The following GAB2 variants were observed in gnomAD, a reference collection of about 807,000 sequenced individuals.
The protein encoded by GAB2 is GRB2 associated binding protein 2, also known as GRB2-associated-binding protein 2.
In GAB2, 26 loss-of-function variants were observed where a neutral mutation model predicts 65.5. That is an observed-to-expected ratio of 0.40 (90% CI 0.29 to 0.55). The LOEUF (loss-of-function observed/expected upper bound fraction) is 0.55, where lower values mean the gene tolerates loss of function less well. Ranked by LOEUF, GAB2 falls within the 20% of genes least tolerant of loss-of-function variation. The probability of loss-of-function intolerance (pLI) is 0.53; values close to 1 mark genes in which losing one functional copy is unlikely to be tolerated. For synonymous variants in GAB2, 321 were observed against 329.6 expected (o/e 0.97, Z 0.28); for missense variants, 884 against 875.8 (o/e 1.01, Z -0.12).
chr11:78,340,077 T>C (rs1856067812), intron 1 of GAB2, among the ~76,000 whole-genome samples: 1 of 152,240 alleles, frequency 6.6e-6, no homozygotes, highest in Admixed American at 6.5e-5. Flanking sequence ...GCAGTTGTGT[T>C]GACCATCTTT....
intron 1 of GAB2, among the ~76,000 whole-genome samples, chr11:78,308,793 AG>A (rs1183857080): frequency 6.6e-6 from 1 of 152,200 alleles, no homozygotes; most frequent in Non-Finnish European, 1.5e-5. Flanking sequence ...GACTGGAAAG[AG>A]ACATTCAGGG....
chr11:78,234,332 C>G (rs536074350), intron 3 of GAB2, among the ~76,000 whole-genome samples: 1 of 152,216 alleles, frequency 6.6e-6, no homozygotes, highest in African/African-American at 2.4e-5. Flanking sequence ...ATCTGCCCTT[C>G]TTAGTCTTCC....
intron 3 of GAB2, among the ~76,000 whole-genome samples, chr11:78,242,955 G>A (rs2512520): frequency 0.16 from 23,711 of 151,976 alleles, 2,384 homozygotes; most frequent in East Asian, 0.4. Flanking sequence ...TTGAGATCAG[G>A]AGTTCGAGAC....
chr11:78,350,113 C>T (rs553976279), intron 1 of GAB2, among the ~76,000 whole-genome samples: 4 of 152,204 alleles, frequency 2.6e-5, no homozygotes, highest in African/African-American at 9.6e-5. Flanking sequence ...ATGGGTCATG[C>T]TGAAAGTTTA....
chr11:78,387,090 G>A (rs1856777849), intron 1 of GAB2, among the ~76,000 whole-genome samples: 1 of 152,190 alleles, frequency 6.6e-6, no homozygotes, highest in South Asian at 2.1e-4. Flanking sequence ...CACCCAGGCT[G>A]GAGTACAGTG....
At chr11:78,344,357 AT>A (rs1439626551) in intron 1 of GAB2, among the ~76,000 whole-genome samples, 2 of 152,228 alleles carry the variant, frequency 1.3e-5, no homozygotes, top group Non-Finnish European at 2.9e-5. Context: ...CAGGAAAAAA[AT>A]CTCCAATTAA....
chr11:78,373,970 A>C (rs922604926), intron 1 of GAB2, among the ~76,000 whole-genome samples: 4 of 152,248 alleles, frequency 2.6e-5, no homozygotes, highest in Non-Finnish European at 4.4e-5. Flanking sequence ...AGTTCTGCTA[A>C]GTGAAGATGG....
chr11:78,346,986 T>G (rs943151613), intron 1 of GAB2, among the ~76,000 whole-genome samples: 8 of 151,848 alleles, frequency 5.3e-5, no homozygotes, highest in Non-Finnish European at 8.8e-5. Context: ...GAAAGCAGAC[T>G]GACTCACTAT....
chr11:78,297,521 A>G (rs1866867336), intron 1 of GAB2, among the ~76,000 whole-genome samples: 1 of 152,078 alleles, frequency 6.6e-6, no homozygotes, highest in Non-Finnish European at 1.5e-5. Context: ...AGTCCATCAT[A>G]TGGGAACTAC....
chr11:78,336,030 C>T (rs570640981), intron 1 of GAB2, among the ~76,000 whole-genome samples: 3 of 151,550 alleles, frequency 2.0e-5, no homozygotes, highest in East Asian at 1.9e-4. Context: ...AATTATTTTC[C>T]AGGTCGGGCA....
intron 2 of GAB2, among the ~76,000 whole-genome samples, chr11:78,279,458 G>T (rs888222220): frequency 3.9e-5 from 6 of 152,006 alleles, no homozygotes; most frequent in African/African-American, 1.4e-4. Context: ...TTTAAAGAAT[G>T]AGACATAATT....
chr11:78,361,728 A>G (rs1035625050), intron 1 of GAB2, among the ~76,000 whole-genome samples: 2 of 152,206 alleles, frequency 1.3e-5, no homozygotes, highest in Admixed American at 6.5e-5. Flanking sequence ...TTTGGTAATC[A>G]TCTTGGCAAG....
intron 2 of GAB2, among the ~76,000 whole-genome samples, chr11:78,274,546 A>G (rs1820053124): frequency 6.6e-6 from 1 of 152,214 alleles, no homozygotes; most frequent in Admixed American, 6.5e-5. Flanking sequence ...AACAGAAAGT[A>G]TTTTATCCCT....
At chr11:78,227,112 AG>A in intron 3 of GAB2, 61 bp from the exon 4 acceptor site, 4 of 1,118,178 alleles carry the variant, frequency 3.6e-6, no homozygotes, top group Non-Finnish European at 5.3e-6. Flanking sequence ...TGTGACCTTG[AG>A]GCAAAGCACT....
chr11:78,307,260 A>G (rs1855382646), intron 1 of GAB2, among the ~76,000 whole-genome samples: 1 of 152,174 alleles, frequency 6.6e-6, no homozygotes, highest in African/African-American at 2.4e-5. Flanking sequence ...GGTCCTTTGC[A>G]TTATTCTCTA....
intron 2 of GAB2, among the ~76,000 whole-genome samples, chr11:78,253,440 C>T (rs933659015): frequency 3.3e-5 from 5 of 152,108 alleles, no homozygotes; most frequent in Non-Finnish European, 5.9e-5. Flanking sequence ...TACAGGCATG[C>T]ACCACCACGC....
chr11:78,306,945 C>A (rs565452730), intron 1 of GAB2, among the ~76,000 whole-genome samples: 23 of 152,218 alleles, frequency 1.5e-4, no homozygotes, highest in South Asian at 1.4e-3. Context: ...GTATAAATAT[C>A]AACTTTTATC....
intron 1 of GAB2, among the ~76,000 whole-genome samples, chr11:78,290,265 G>A (rs1454843863): frequency 6.6e-6 from 1 of 152,168 alleles, no homozygotes; most frequent in Non-Finnish European, 1.5e-5. Flanking sequence ...TATATGGATA[G>A]GGTCTACTGT....
At chr11:78,366,661 C>T (rs915136799) in intron 1 of GAB2, among the ~76,000 whole-genome samples, 15 of 146,180 alleles carry the variant, frequency 1.0e-4, no homozygotes, top group Admixed American at 6.8e-4. Context: ...GGTTAATTTA[C>T]CCTGCTACCA....
Sources: allele counts gnomAD v4.1 joint callset (sites outside exome capture counted in the v4.1 genomes callset), GRCh38; gene constraint gnomAD v4.1.1; transcripts MANE v1.5; gene names NCBI Gene and HGNC (gene_info 2026-07-23, HGNC 2026-07-21).